The following NEK11 variants were observed in gnomAD, a reference collection of about 807,000 sequenced individuals.
NEK11 encodes serine/threonine-protein kinase Nek11.
In NEK11, 72 loss-of-function variants were observed where a neutral mutation model predicts 80.7. That is an observed-to-expected ratio of 0.89 (90% confidence interval 0.74 to 1.08). The LOEUF is 1.08. NEK11 is among the 50% of genes least tolerant of loss of function. NEK11 has a pLI of 0.00. For missense variants in NEK11, 764 were observed against 763.6 expected, an observed-to-expected ratio of 1.00 and a Z score of -0.01; for synonymous variants, 251 against 260.7, an observed-to-expected ratio of 0.96 and a Z score of 0.36.
intron 17 of NEK11, among the ~76,000 whole-genome samples, chr3:131,316,355 G>A (rs1045586438): frequency 6.6e-6 from 1 of 152,064 alleles, no homozygotes; most frequent in Admixed American, 6.6e-5. Context: ...AGCTAACCCT[G>A]CATGCCTGTT....
At chr3:131,038,199 G>T (rs375154594) in intron 3 of NEK11, among the ~76,000 whole-genome samples, 1 of 152,034 alleles carries the variant, frequency 6.6e-6, no homozygotes, top group East Asian at 1.9e-4. Context: ...TTGTGCTTAG[G>T]TTCCTCTAGG....
intron 14 of NEK11, among the ~76,000 whole-genome samples, chr3:131,214,698 T>TGA (rs1299396859): frequency 7.5e-6 from 1 of 133,346 alleles, no homozygotes; most frequent in Non-Finnish European, 1.7e-5. Context: ...TGCGTGCATG[T>TGA]GTGTGTGTGT....
intron 4 of NEK11, among the ~76,000 whole-genome samples, chr3:131,108,265 A>G (rs1361795861): frequency 6.6e-6 from 1 of 152,106 alleles, no homozygotes; most frequent in African/African-American, 2.4e-5. Flanking sequence ...CATTAGAAGT[A>G]ATTTCTTTTG....
At chr3:131,140,208 A>T (rs908489935) in intron 7 of NEK11, among the ~76,000 whole-genome samples, 2 of 152,166 alleles carry the variant, frequency 1.3e-5, no homozygotes, top group Admixed American at 1.3e-4. Flanking sequence ...AATAAAAGCA[A>T]TATAGATTTT....
At chr3:131,141,014 T>C (rs2086771364) in intron 7 of NEK11, among the ~76,000 whole-genome samples, 1 of 152,142 alleles carries the variant, frequency 6.6e-6, no homozygotes, top group African/African-American at 2.4e-5. Flanking sequence ...CAATGTTCAC[T>C]GATGTCACAT....
chr3:131,242,548 T>G (rs1403906756), intron 15 of NEK11, among the ~76,000 whole-genome samples: 1 of 152,114 alleles, frequency 6.6e-6, no homozygotes, highest in African/African-American at 2.4e-5. Context: ...TCCTGAAAGA[T>G]GTTTTCTTTG....
chr3:131,104,444 C>T (rs1175401390), intron 4 of NEK11, among the ~76,000 whole-genome samples: 2 of 152,118 alleles, frequency 1.3e-5, no homozygotes, highest in Non-Finnish European at 2.9e-5. Context: ...TTCTTAGATT[C>T]TTTACTCTCT....
chr3:131,349,723 G>A lies in NEK11; in HGVS notation c.1885G>A (p.Glu629Lys), dbSNP rs145872163. 281 of 1,614,076 alleles carry A rather than the reference G, an allele frequency of 1.7e-4. No individual in the cohort carries two copies. Among genetic ancestry groups the A allele is most frequent in the Non-Finnish European group, 2.3e-4 (268 of 1,180,032 alleles). ...AGTGGACCAGCTCCTGTACTTTGAA[G>A]AGCAGTTGCTGATCACGATGGGAAA... ...FEVDQLLYFE[E>K]QLLITMGKEP... is the part of the protein sequence containing the mutation. The change falls in exon 18 of 18, where the codon GAG becomes AAG. Residue 629 changes from glutamate (E) to lysine (K), a missense_variant. Physicochemically the swap from Glu to Lys is moderately conservative, Grantham distance 56. Transcript: ENST00000383366.
Position 131,195,103 on chromosome 3 carries a change from A to G in NEK11, c.1399+24216A>G, listed in dbSNP as rs150890191. ...CCTGCCCGCAACGAGTTCATTCTCT[A>G]CATGCCTACCAAAGTGATCTTTTAA... On this transcript the variant is annotated intron_variant, in intron 14 of 17. Transcript: ENST00000383366. Among the ~76,000 whole-genome samples, 873 of 152,268 alleles carry G rather than the reference A, an allele frequency of 5.7e-3. 6 individuals are homozygous for G. The highest frequency in any genetic ancestry group is 0.01 in the Middle Eastern group (3 of 294).
intron 4 of NEK11, among the ~76,000 whole-genome samples, chr3:131,086,591 A>G (rs1348826852): frequency 6.6e-6 from 1 of 152,134 alleles, no homozygotes; most frequent in Non-Finnish European, 1.5e-5. Context: ...ACATGCCCCT[A>G]TCCTTTTTTG....
At position 131,164,611 on chromosome 3, in the gene NEK11, G is replaced by C. The variant is rs983423379; in HGVS notation, c.1083-815G>C. ...ACAGATTACAAAATACATTAAAACT[G>C]TTTTTTAATACAAAGAAGTCACATA... is the stretch of plus-strand genomic sequence containing the variant. On this transcript the variant is annotated intron_variant, in intron 11 of 17. Transcript: ENST00000383366. 2.6e-5 allele frequency among the ~76,000 whole-genome samples: 4 copies of C among 151,828 alleles called. No individual in the cohort carries two copies. The East Asian group carries it at 7.7e-4, about 29-fold the overall frequency.
intron 17 of NEK11, among the ~76,000 whole-genome samples, chr3:131,274,115 C>G (rs2096250431): frequency 1.6e-5 from 2 of 126,262 alleles, no homozygotes; most frequent in African/African-American, 3.0e-5. Flanking sequence ...CCCCTCCCCC[C>G]ACCCCACAAC....
chr3:131,128,103 C>T (rs538576741), intron 5 of NEK11, among the ~76,000 whole-genome samples: 3 of 152,192 alleles, frequency 2.0e-5, no homozygotes, highest in African/African-American at 7.2e-5. Flanking sequence ...ATTGCCTCCC[C>T]TGTTATCAGC....
chr3:131,216,730 G>A (rs552374200), intron 14 of NEK11, among the ~76,000 whole-genome samples: 1 of 152,330 alleles, frequency 6.6e-6, no homozygotes, highest in East Asian at 1.9e-4. Context: ...ATATGAGTGT[G>A]TTTATTTCAC....
At chr3:131,193,652 T>A (rs766945164) in intron 14 of NEK11, among the ~76,000 whole-genome samples, 8 of 152,180 alleles carry the variant, frequency 5.3e-5, no homozygotes, top group Non-Finnish European at 8.8e-5. Context: ...AGTGTTATTG[T>A]AATGATCATA....
In NEK11 at chr3:131,109,873, T is replaced by A. The variant is rs760281142; in HGVS notation, c.407T>A (p.Ile136Lys). Residue 136 changes from isoleucine to lysine, a missense_variant, in exon 5 of 18, where the codon ATA becomes AAA. Transcript: ENST00000383366. Reference protein sequence around the residue: ...AGKIFPENQIIEWFIQLLLGV... With the variant: ...AGKIFPENQIKEWFIQLLLGV... The stretch of plus-strand genomic sequence containing the variant: ...AAAATCTTTCCAGAAAATCAAATAA[T>A]AGAATGGTTTATCCAGCTGCTGCTG... 19 of 1,602,902 alleles carry A rather than the reference T, an allele frequency of 1.2e-5. No individual in the cohort carries two copies. The highest frequency in any genetic ancestry group is 1.5e-5 in the Non-Finnish European group (18 of 1,175,784).
At chr3:131,063,534 G>C (rs1032529298) in intron 3 of NEK11, among the ~76,000 whole-genome samples, 1 of 152,114 alleles carries the variant, frequency 6.6e-6, no homozygotes, top group Non-Finnish European at 1.5e-5. Flanking sequence ...GCAAGAAAAA[G>C]GATACAGAGA....
intron 14 of NEK11, among the ~76,000 whole-genome samples, chr3:131,180,353 A>G (rs2093277306): frequency 6.6e-6 from 1 of 152,216 alleles, no homozygotes; most frequent in Non-Finnish European, 1.5e-5. Context: ...ACAAAACCCA[A>G]ATATATAATT....
At chr3:131,056,089 G>C (rs532242298) in intron 3 of NEK11, among the ~76,000 whole-genome samples, 3 of 152,268 alleles carry the variant, frequency 2.0e-5, no homozygotes, top group Admixed American at 1.3e-4. Flanking sequence ...TGGGGAGAAG[G>C]GGTACTTGGG....
Sources: gnomAD v4.1 joint callset for allele counts (sites outside exome capture counted in the v4.1 genomes callset) on GRCh38, gnomAD v4.1.1 for gene constraint, MANE v1.5 for transcripts, NCBI Gene and HGNC (gene_info 2026-07-23, HGNC 2026-07-21) for gene names.